AKAP8L: variants seen among roughly 807,000 people sequenced by gnomAD.
AKAP8L encodes A-kinase anchor protein 8-like.
AKAP8L carries 34 observed loss-of-function variants against 77.5 expected under a neutral mutation model. The observed-to-expected ratio is 0.44, with a 90% CI of 0.33 to 0.58. The LOEUF is 0.58. AKAP8L is among the 20% of genes least tolerant of loss of function. The pLI is 0.02. For synonymous variants in AKAP8L, 342 were observed against 340.7 expected, an observed-to-expected ratio of 1.00 and a Z score of -0.04; for missense variants, 806 against 887.6, an observed-to-expected ratio of 0.91 and a Z score of 1.17.
chr19:15,401,676 T>A lies in AKAP8L; in HGVS notation c.363-73A>T. 1 of 1,211,340 alleles carries A rather than the reference T, an allele frequency of 8.3e-7. No individual in the cohort carries two copies. The highest frequency in any genetic ancestry group is 1.1e-6 in the Non-Finnish European group (1 of 875,850). The allele number at this position is 1,211,340 out of a possible 1,614,324, so 75.0% of individuals were successfully genotyped here. A position where few individuals can be genotyped will look rare whatever the true frequency, so the allele number is the denominator to read the frequency against. ...CACCTCCAGGCAACTGCTCCTGCCC[T>A]CCCCAATCTCCCAGTCCAGCACCCA... On this transcript the variant is annotated intron_variant, in intron 4 of 13. Coordinates refer to ENST00000397410, the MANE Select transcript of AKAP8L (RefSeq NM_014371.4). The surrounding 1 kb of genome is among the most constrained non-coding windows in gnomAD (Gnocchi z 6.2).
chr19:15,385,905 C>CTTTCTTTTT (rs1241077438), intron 12 of AKAP8L, among the ~76,000 whole-genome samples: 1 of 142,922 alleles, frequency 7.0e-6, no homozygotes, highest in Admixed American at 7.3e-5. Flanking sequence ...AGCCAACTTT[C>CTTTCTTTTT]TTTCTTTTTT....
At position 15,397,156 on chromosome 19, in the gene AKAP8L, G is replaced by A. The variant is rs1967792749; in HGVS notation, c.1530C>T (p.Asn510=). ...GAGCACTGTGGCCACTCACCCTGCG[G>A]TTCCGGTTGTGATCCATGGTCTTCA... ...KHLKTMDHNR[N]RRLMMEQSKK... The change falls in exon 12 of 14, where the codon AAC becomes AAT. Residue 510 remains asparagine, a synonymous_variant. Transcript: ENST00000397410. This position sits in a 1 kb window ranked among gnomAD's most constrained non-coding sequence, Gnocchi z 4.7. The A allele has an allele frequency of 1.2e-6, 2 of 1,613,786 alleles. No homozygotes were observed.
Position 15,380,194 on chromosome 19 carries a change from C to T in AKAP8L, c.1869G>A (p.Leu623=), listed in dbSNP as rs1223480862. 2.7e-6 allele frequency: 4 copies of T among 1,507,296 alleles called. No individual in the cohort carries two copies. The highest frequency in any genetic ancestry group is 2.9e-5 in the African/African-American group (2 of 69,020). The allele number at this position is 1,507,296 out of a possible 1,614,324, so 93.4% of individuals were successfully genotyped here. ...EGAVPLLGGA[L]QRQIRGIPGL... ...CCGGGATGCCGCGGATCTGGCGTTG[C>T]AGCGCCCCTCCCAGCAAGGGCACGG... The change falls in exon 14 of 14, where the codon CTG becomes CTA. Residue 623 remains leucine, a synonymous_variant. Transcript: ENST00000397410.
rs766116652 is a variant in AKAP8L, at chr19:15,401,524, C to T, written c.442G>A (p.Glu148Lys). 7.4e-6 allele frequency: 12 copies of T among 1,613,790 alleles called. No individual in the cohort carries two copies. Among genetic ancestry groups the T allele is most frequent in the East Asian group, 2.2e-5 (1 of 44,880 alleles). ...GCCATTTCCATCTCAGGGTCAAGCT[C>T]GCTGTAGTCATAGCCTGACCGGTAC... is the stretch of plus-strand genomic sequence containing the variant. The part of the protein sequence containing the change: ...DLYRSGYDYS[E>K]LDPEMEMAYE... Residue 148 changes from glutamate to lysine, a missense_variant, in exon 5 of 14, where the codon GAG becomes AAG. Physicochemically the swap from Glu to Lys is moderately conservative, Grantham distance 56 (BLOSUM62 1). Coordinates refer to ENST00000397410, the MANE Select transcript of AKAP8L (RefSeq NM_014371.4). This position sits in a 1 kb window ranked among gnomAD's most constrained non-coding sequence, Gnocchi z 6.2.
chr19:15,384,764 C>A (rs1967493732), intron 12 of AKAP8L, among the ~76,000 whole-genome samples: 1 of 152,224 alleles, frequency 6.6e-6, no homozygotes, highest in African/African-American at 2.4e-5. Context: ...TTACCAAATT[C>A]TATTAATTCT....
intron 12 of AKAP8L, among the ~76,000 whole-genome samples, chr19:15,387,723 G>A (rs1476166936): frequency 1.3e-5 from 2 of 152,196 alleles, no homozygotes; most frequent in African/African-American, 2.4e-5. Flanking sequence ...CACCTTGTGA[G>A]GCTGAGGTGG....
intron 2 of AKAP8L, among the ~76,000 whole-genome samples, chr19:15,405,882 A>T (rs1193362362): frequency 6.6e-6 from 1 of 152,076 alleles, no homozygotes; most frequent in East Asian, 1.9e-4. Context: ...AGATTGCACC[A>T]CTGCACTACA....
chr19:15,382,461 C>A (rs1296151238), intron 12 of AKAP8L, among the ~76,000 whole-genome samples: 2 of 152,112 alleles, frequency 1.3e-5, no homozygotes, highest in African/African-American at 4.8e-5. Flanking sequence ...TCTCGGCTTC[C>A]CAAAGTGCTG....
At chr19:15,394,529 T>C (rs1439202909) in intron 12 of AKAP8L, among the ~76,000 whole-genome samples, 1 of 151,960 alleles carries the variant, frequency 6.6e-6, no homozygotes, top group Non-Finnish European at 1.5e-5. Flanking sequence ...AACCAATGAA[T>C]TGGTTTTTTT....
rs1277653907 is a variant in AKAP8L, at chr19:15,400,779, G to A, written c.984+15C>T. On this transcript the variant is annotated intron_variant, in intron 7 of 13. Transcript: ENST00000397410. ...CCTGCCTGCAGACAGAAAATGCCCA[G>A]CCAGAGCCACTTACCACTCTGGAGC... The A allele has an allele frequency of 1.9e-6, 3 of 1,613,826 alleles. No individual in the cohort carries two copies. Among genetic ancestry groups the A allele is most frequent in the Non-Finnish European group, 2.5e-6 (3 of 1,179,862 alleles).
intron 12 of AKAP8L, among the ~76,000 whole-genome samples, chr19:15,390,999 A>C (rs764752539): frequency 1.4e-4 from 22 of 152,254 alleles, no homozygotes; most frequent in Non-Finnish European, 2.6e-4. Flanking sequence ...AAGATCAGAA[A>C]GATGAGGACA....
chr19:15,389,370 G>C (rs1441718857), intron 12 of AKAP8L, among the ~76,000 whole-genome samples: 1 of 152,068 alleles, frequency 6.6e-6, no homozygotes, highest in African/African-American at 2.4e-5. Flanking sequence ...CCAACATACG[G>C]GTAATGAGCA....
intron 12 of AKAP8L, among the ~76,000 whole-genome samples, chr19:15,387,435 ATTGATAGCTTTTT>A (rs928955502): frequency 2.0e-5 from 3 of 152,026 alleles, no homozygotes; most frequent in African/African-American, 7.2e-5. Flanking sequence ...TTAAAAGGAC[ATTGATAGCTTTTT>A]TTTTTCTTTC....
intron 7 of AKAP8L, 117 bp from the exon 8 acceptor site, chr19:15,400,475 C>T: frequency 9.4e-7 from 1 of 1,060,620 alleles, no homozygotes; most frequent in Non-Finnish European, 1.4e-6. Flanking sequence ...ATAGACAGAG[C>T]AGGGCTATCC....
rs1426867360 is a variant in AKAP8L at position 15,380,285 on chromosome 19, G to A, written c.1778C>T (p.Pro593Leu). 2.0e-6 allele frequency: 3 copies of A among 1,525,416 alleles called. No individual in the cohort carries two copies. The highest frequency in any genetic ancestry group is 2.1e-5 in the Admixed American group (1 of 48,712). The allele number at this position is 1,525,416 out of a possible 1,614,324, so 94.5% of individuals were successfully genotyped here. A position where few individuals can be genotyped will look rare whatever the true frequency, so the allele number is the denominator to read the frequency against. ...EGVPAQPPVP[P>L]EPAPGAVSPP... ...CGACACGGCCCCGGGGGCTGGCTCT[G>A]GGGGCACGGGAGGCTGCGCCGGCAC... Residue 593 changes from proline to leucine, a missense_variant, in exon 14 of 14, where the codon CCA becomes CTA. By Grantham distance (98) the Pro-to-Leu change is moderately conservative. Coordinates refer to ENST00000397410, the MANE Select transcript of AKAP8L (RefSeq NM_014371.4).
At chr19:15,381,068 A>C (rs990292713) in intron 12 of AKAP8L, 10 of 162,266 alleles carry the variant, frequency 6.2e-5, no homozygotes, top group African/African-American at 2.4e-4. Context: ...TCCAAGAATG[A>C]AGAATTATTC....
chr19:15,385,973 C>T (rs1384914468), intron 12 of AKAP8L, among the ~76,000 whole-genome samples: 7 of 148,684 alleles, frequency 4.7e-5, no homozygotes, highest in Non-Finnish European at 8.9e-5. Context: ...TGCAGTGGCG[C>T]GATCTCGGCT....
At chr19:15,389,596 C>T (rs1162267441) in intron 12 of AKAP8L, among the ~76,000 whole-genome samples, 1 of 152,086 alleles carries the variant, frequency 6.6e-6, no homozygotes, top group Non-Finnish European at 1.5e-5. Flanking sequence ...GATGGTGAAA[C>T]CCCATCTCTA....
chr19:15,382,435 T>TC (rs1967438622), intron 12 of AKAP8L, among the ~76,000 whole-genome samples: 1 of 152,094 alleles, frequency 6.6e-6, no homozygotes, highest in Non-Finnish European at 1.5e-5. Flanking sequence ...GCTCCTGAGC[T>TC]CAGGACCTCC....
Sources: gnomAD v4.1 joint callset for allele counts (sites outside exome capture counted in the v4.1 genomes callset) on GRCh38, gnomAD v4.1.1 for gene constraint, Gnocchi (gnomAD v3.1) non-coding constraint, MANE v1.5 for transcripts, NCBI Gene and HGNC (gene_info 2026-07-23, HGNC 2026-07-21) for gene names.